The following PTPRD variants were observed in gnomAD, a reference collection of about 807,000 sequenced individuals.
PTPRD encodes the protein protein tyrosine phosphatase receptor type D.
A neutral mutation model predicts 214.5 loss-of-function variants in PTPRD; 34 were observed. That is an observed-to-expected ratio of 0.16 (90% CI 0.12 to 0.21). The LOEUF (loss-of-function observed/expected upper bound fraction) is 0.21, where lower values mean the gene tolerates loss of function less well. PTPRD is among the 10% of genes least tolerant of loss of function. PTPRD has a pLI of 1.00. For synonymous variants in PTPRD, 1,128 were observed against 845.7 expected (o/e 1.33, Z -5.79); for missense variants, 2,545 against 2,398.7 (o/e 1.06, Z -1.27).
chr9:9,031,335 A>G (rs1003675747), intron 10 of PTPRD, among the ~76,000 whole-genome samples: 4 of 152,048 alleles, frequency 2.6e-5, no homozygotes, highest in Admixed American at 2.6e-4. Context: ...TTGTTAGGCA[A>G]TTCTGTTGTT....
At chr9:10,308,290 A>G (rs976430323) in intron 3 of PTPRD, among the ~76,000 whole-genome samples, 17 of 152,158 alleles carry the variant, frequency 1.1e-4, no homozygotes, top group Non-Finnish European at 2.2e-4. Flanking sequence ...TGGATGTCCA[A>G]TGTTCCCAGC....
chr9:8,955,974 A>G (rs1234158370), intron 11 of PTPRD, among the ~76,000 whole-genome samples: 2 of 151,870 alleles, frequency 1.3e-5, no homozygotes, highest in African/African-American at 4.8e-5. Context: ...GCTGAGTCCA[A>G]ATATATCTGG....
intron 3 of PTPRD, among the ~76,000 whole-genome samples, chr9:10,261,016 G>GTATATATA: frequency 6.9e-6 from 1 of 145,198 alleles, no homozygotes; most frequent in African/African-American, 2.6e-5. Flanking sequence ...ATGTATATAT[G>GTATATATA]TGTGTATATA....
intron 39 of PTPRD, among the ~76,000 whole-genome samples, chr9:8,368,592 A>G (rs2080609841): frequency 6.6e-6 from 1 of 151,066 alleles, no homozygotes; most frequent in Non-Finnish European, 1.5e-5. Flanking sequence ...AGGCAGCCAG[A>G]ATGCTCTTCC....
At chr9:8,543,901 G>A (rs947435067) in intron 14 of PTPRD, among the ~76,000 whole-genome samples, 2 of 151,864 alleles carry the variant, frequency 1.3e-5, no homozygotes, top group African/African-American at 2.4e-5. Flanking sequence ...TAGTAGAGAC[G>A]GGGTTTCACC....
At chr9:9,264,966 G>C (rs1594802849) in intron 9 of PTPRD, among the ~76,000 whole-genome samples, 1 of 149,950 alleles carries the variant, frequency 6.7e-6, no homozygotes, top group South Asian at 2.1e-4. Context: ...ATAAAGAAAA[G>C]ATAGAGTTTC....
At chr9:8,736,323 TAAAG>T (rs776309529) in intron 11 of PTPRD, among the ~76,000 whole-genome samples, 27 of 152,084 alleles carry the variant, frequency 1.8e-4, no homozygotes, top group Non-Finnish European at 3.1e-4. Context: ...AATTTAAAAA[TAAAG>T]AGAGTAGATC....
chr9:8,428,820 G>A (rs1367243543), intron 35 of PTPRD, among the ~76,000 whole-genome samples: 1 of 152,172 alleles, frequency 6.6e-6, no homozygotes, highest in African/African-American at 2.4e-5. Context: ...AGTGCTCAGA[G>A]GTTTACAAAA....
At chr9:10,079,792 A>T (rs1014058458) in intron 3 of PTPRD, among the ~76,000 whole-genome samples, 1 of 152,154 alleles carries the variant, frequency 6.6e-6, no homozygotes, top group Non-Finnish European at 1.5e-5. Flanking sequence ...ATGCAAAGTC[A>T]TTCTGAAATC....
chr9:8,348,833 A>G (rs999850180), intron 39 of PTPRD, among the ~76,000 whole-genome samples: 15 of 152,306 alleles, frequency 9.8e-5, no homozygotes, highest in African/African-American at 3.6e-4. Flanking sequence ...CCCTGAATCA[A>G]CATTTCCTTT....
At chr9:9,707,650 C>G (rs1203471187) in intron 7 of PTPRD, among the ~76,000 whole-genome samples, 1 of 152,058 alleles carries the variant, frequency 6.6e-6, no homozygotes, top group African/African-American at 2.4e-5. Context: ...TATGAATTAT[C>G]CAATAAATTA....
At chr9:9,148,453 G>C (rs945157235) in intron 10 of PTPRD, among the ~76,000 whole-genome samples, 12 of 152,058 alleles carry the variant, frequency 7.9e-5, no homozygotes, top group African/African-American at 2.9e-4. Flanking sequence ...AAAAAATACA[G>C]CTTCTTTTTG....
intron 36 of PTPRD, among the ~76,000 whole-genome samples, chr9:8,401,457 C>G (rs2092378966): frequency 6.6e-6 from 1 of 152,254 alleles, no homozygotes; most frequent in South Asian, 2.1e-4. Context: ...TTGGATTTGT[C>G]AAAAATTCAA....
At chr9:10,526,447 A>G (rs1042548625) in intron 2 of PTPRD, among the ~76,000 whole-genome samples, 1 of 152,110 alleles carries the variant, frequency 6.6e-6, no homozygotes, top group South Asian at 2.1e-4. Flanking sequence ...TCTTATAAGG[A>G]AAATGATAGA....
chr9:9,188,600 G>C (rs1374240910), intron 9 of PTPRD, among the ~76,000 whole-genome samples: 1 of 152,028 alleles, frequency 6.6e-6, no homozygotes, highest in Admixed American at 6.6e-5. Flanking sequence ...GACTAGAAAA[G>C]GGAAGACCCC....
At chr9:8,578,423 G>A (rs997623382) in intron 14 of PTPRD, among the ~76,000 whole-genome samples, 13 of 151,928 alleles carry the variant, frequency 8.6e-5, no homozygotes, top group East Asian at 1.9e-4. Context: ...AAAACATTTC[G>A]TATATAACTG....
At chr9:8,904,733 C>T (rs919424961) in intron 11 of PTPRD, among the ~76,000 whole-genome samples, 1 of 150,478 alleles carries the variant, frequency 6.6e-6, no homozygotes, top group East Asian at 2.0e-4. Context: ...TTGCAAAACA[C>T]ATAATCGTAT....
At chr9:8,537,106 T>C (rs1400459508) in intron 14 of PTPRD, among the ~76,000 whole-genome samples, 1 of 152,010 alleles carries the variant, frequency 6.6e-6, no homozygotes, top group Admixed American at 6.6e-5. Context: ...TTGTACTGTG[T>C]TGACATCATG....
At chr9:10,053,861 A>T (rs937111363) in intron 3 of PTPRD, among the ~76,000 whole-genome samples, 2 of 152,030 alleles carry the variant, frequency 1.3e-5, no homozygotes, top group Non-Finnish European at 2.9e-5. Flanking sequence ...CGGGTTCAAG[A>T]GAGTCTCGTG....
Sources: allele counts gnomAD v4.1 joint callset (sites outside exome capture counted in the v4.1 genomes callset), GRCh38; gene constraint gnomAD v4.1.1; transcripts MANE v1.5; gene names NCBI Gene and HGNC (gene_info 2026-07-23, HGNC 2026-07-21).